MAGI1: variants seen among roughly 807,000 people sequenced by gnomAD.
MAGI1 encodes the protein membrane-associated guanylate kinase, WW and PDZ domain-containing protein 1.
Under a neutral mutation model 139.9 loss-of-function variants are expected in MAGI1, and 58 were observed. The ratio of observed to expected loss-of-function variants is 0.41; its 90% CI spans 0.34 to 0.52. The LOEUF (loss-of-function observed/expected upper bound fraction) is 0.52, where lower values mean the gene tolerates loss of function less well. Among genes scored for constraint, MAGI1 ranks in the 20% least tolerant of loss-of-function variants. The pLI is 0.12. For synonymous variants in MAGI1, 812 were observed against 737.9 expected (o/e 1.10, Z -1.63); for missense variants, 1,874 against 1,901.6 (o/e 0.99, Z 0.27).
chr3:65,931,851 T>TCGTACGAATGAC (rs2062821415), intron 1 of MAGI1, among the ~76,000 whole-genome samples: 2 of 152,168 alleles, frequency 1.3e-5, no homozygotes. Context: ...ACTACCTATA[T>TCGTACGAATGAC]TTTTTATTGC....
intron 1 of MAGI1, among the ~76,000 whole-genome samples, chr3:66,034,901 G>T (rs2068833486): frequency 6.6e-6 from 1 of 152,182 alleles, no homozygotes; most frequent in Middle Eastern, 3.4e-3. Flanking sequence ...GGTGCAGGGG[G>T]AGGGGGGAAT....
In MAGI1 at chr3:65,596,745, T is replaced by C. The variant is rs148623417; in HGVS notation, c.430+25227A>G. On this transcript the variant is annotated intron_variant, in intron 2 of 22. Coordinates refer to ENST00000402939, the MANE Select transcript of MAGI1 (RefSeq NM_001033057.2). ...CAAAAATCCCCCAGCCTTCCGGGTT[T>C]GGCCCATTCACTTACAGAACCAGAC... Among the ~76,000 whole-genome samples, 631 of 152,276 alleles carry C rather than the reference T, an allele frequency of 4.1e-3. 4 individuals carry two copies. The highest frequency in any genetic ancestry group is 0.015 in the African/African-American group (611 of 41,554).
chr3:65,465,662 T>C (rs962210758), intron 5 of MAGI1, among the ~76,000 whole-genome samples: 1 of 152,204 alleles, frequency 6.6e-6, no homozygotes. Context: ...TTTCAACCTT[T>C]TTCTGGTTTT....
intron 1 of MAGI1, among the ~76,000 whole-genome samples, chr3:65,842,167 G>A (rs2058829349): frequency 6.6e-6 from 1 of 152,072 alleles, no homozygotes; most frequent in African/African-American, 2.4e-5. Flanking sequence ...CCCTTTCCTA[G>A]AGAGCAAGAA....
intron 4 of MAGI1, among the ~76,000 whole-genome samples, chr3:65,472,064 T>C (rs1694397618): frequency 6.6e-6 from 1 of 152,196 alleles, no homozygotes; most frequent in Non-Finnish European, 1.5e-5. Context: ...AAATTCACTT[T>C]CCTGCTTAAA....
chr3:65,754,664 C>A (rs1385906269), intron 1 of MAGI1, among the ~76,000 whole-genome samples: 1 of 152,182 alleles, frequency 6.6e-6, no homozygotes, highest in Admixed American at 6.5e-5. Context: ...GCTAAAAGAA[C>A]CAAAGCTTTG....
chr3:65,819,071 G>A (rs921329759), intron 1 of MAGI1, among the ~76,000 whole-genome samples: 3 of 152,134 alleles, frequency 2.0e-5, no homozygotes, highest in African/African-American at 4.8e-5. Flanking sequence ...CGGATTACAA[G>A]GTCAGGAGTT....
rs779140386 is a variant in MAGI1, at chr3:65,429,976, T to C, written c.1711A>G (p.Thr571Ala). The C allele has an allele frequency of 6.2e-7, 1 of 1,613,952 alleles. No individual in the cohort carries two copies. Among genetic ancestry groups the C allele is most frequent in the Non-Finnish European group, 8.5e-7 (1 of 1,179,930 alleles). ...DPDDPNTSLVTSVAILDKEPI... is the reference protein window; with the variant it reads ...DPDDPNTSLVASVAILDKEPI... ...TCTTTATCCAAAATGGCTACCGAGG[T>C]CACTAAACTTGTATTGGGGTCATCT... Residue 571 changes from threonine to alanine, a missense_variant, in exon 12 of 23, where the codon ACC becomes GCC. Thr to Ala is a moderately conservative substitution (Grantham distance 58). Coordinates refer to ENST00000402939, the MANE Select transcript of MAGI1 (RefSeq NM_001033057.2).
chr3:65,693,925 C>G (rs561465130), intron 1 of MAGI1, among the ~76,000 whole-genome samples: 5 of 151,856 alleles, frequency 3.3e-5, no homozygotes, highest in Admixed American at 6.6e-5. Context: ...TTCACCATGT[C>G]GGCCAGGCTG....
At chr3:65,359,841 A>G in intron 22 of MAGI1, 2 of 985,622 alleles carry the variant, frequency 2.0e-6, no homozygotes, top group Non-Finnish European at 2.4e-6. Context: ...GAAGGTACAC[A>G]GGTTACTGAC....
chr3:65,805,018 T>C (rs143208508), intron 1 of MAGI1, among the ~76,000 whole-genome samples: 96 of 152,252 alleles, frequency 6.3e-4, no homozygotes, highest in African/African-American at 2.1e-3. Context: ...ATTCAGGATA[T>C]AGGCATGGGA....
intron 1 of MAGI1, chr3:65,687,558 A>T: frequency 2.7e-6 from 1 of 374,760 alleles, no homozygotes. Flanking sequence ...AATGTGATTG[A>T]CAATCTGTGG....
At chr3:65,454,528 T>C (rs188711457) in intron 5 of MAGI1, among the ~76,000 whole-genome samples, 32 of 61,918 alleles carry the variant, frequency 5.2e-4, no homozygotes, top group African/African-American at 7.2e-4. Context: ...ACTGAAAGTA[T>C]AATAATAATA....
intron 1 of MAGI1, among the ~76,000 whole-genome samples, chr3:65,941,800 G>T (rs1464890267): frequency 6.6e-6 from 1 of 152,138 alleles, no homozygotes; most frequent in Non-Finnish European, 1.5e-5. Flanking sequence ...TGTTGTTGCT[G>T]CTGTTGTTTG....
chr3:65,857,871 G>A (rs951203767), intron 1 of MAGI1, among the ~76,000 whole-genome samples: 25 of 152,146 alleles, frequency 1.6e-4, no homozygotes, highest in Non-Finnish European at 2.8e-4. Flanking sequence ...AGGAAGGCAA[G>A]AAGGGGGGGA....
At chr3:65,367,715 G>A (rs1213709895) in intron 18 of MAGI1, among the ~76,000 whole-genome samples, 5 of 152,196 alleles carry the variant, frequency 3.3e-5, no homozygotes, top group Non-Finnish European at 7.3e-5. Context: ...AGCAGGTGGA[G>A]ATACTGGGAA....
intron 2 of MAGI1, among the ~76,000 whole-genome samples, chr3:65,610,796 T>A (rs368731681): frequency 6.4e-5 from 6 of 93,504 alleles, no homozygotes; most frequent in African/African-American, 2.3e-4. Flanking sequence ...GTATATATAG[T>A]ATATATAGGT....
intron 1 of MAGI1, among the ~76,000 whole-genome samples, chr3:65,644,965 C>G (rs1430839942): frequency 6.6e-6 from 1 of 150,862 alleles, no homozygotes; most frequent in East Asian, 1.9e-4. Flanking sequence ...CCAGTACACT[C>G]CAGCCTGGGT....
intron 1 of MAGI1, among the ~76,000 whole-genome samples, chr3:65,731,746 C>T (rs1411462676): frequency 2.6e-5 from 4 of 151,526 alleles, no homozygotes; most frequent in Non-Finnish European, 5.9e-5. Context: ...TAATAAATGG[C>T]GCTCTGAAAA....
Sources: allele counts gnomAD v4.1 joint callset (sites outside exome capture counted in the v4.1 genomes callset), GRCh38; gene constraint gnomAD v4.1.1; transcripts MANE v1.5; gene names NCBI Gene and HGNC (gene_info 2026-07-23, HGNC 2026-07-21).